SYT1: variants seen among roughly 807,000 people sequenced by gnomAD.
SYT1 encodes synaptotagmin 1, also known as synaptotagmin-1.
SYT1 carries 8 observed loss-of-function variants against 44.8 expected under a neutral mutation model. That is an observed-to-expected ratio of 0.18 (90% CI 0.10 to 0.32). The LOEUF is 0.32. Ranked by LOEUF, SYT1 falls within the 10% of genes least tolerant of loss-of-function variation. SYT1 has a pLI of 1.00. For synonymous variants in SYT1, 154 were observed against 188.8 expected, an observed-to-expected ratio of 0.82 and a Z score of 1.51; for missense variants, 286 against 509.3, an observed-to-expected ratio of 0.56 and a Z score of 4.22.
At chr12:79,076,447 CTATTT>C (rs1394077931) in intron 3 of SYT1, among the ~76,000 whole-genome samples, 1 of 152,048 alleles carries the variant, frequency 6.6e-6, no homozygotes, top group Non-Finnish European at 1.5e-5. Context: ...AAATAATATA[CTATTT>C]TATATGTTGT....
chr12:78,904,307 T>C (rs929337856), intron 1 of SYT1, among the ~76,000 whole-genome samples: 17 of 152,256 alleles, frequency 1.1e-4, no homozygotes, highest in African/African-American at 3.4e-4. Flanking sequence ...ATGTGATTTA[T>C]CCATTGGAAA....
At chr12:79,114,642 G>A (rs1445381889) in intron 3 of SYT1, among the ~76,000 whole-genome samples, 2 of 152,094 alleles carry the variant, frequency 1.3e-5, no homozygotes, top group South Asian at 2.1e-4. Context: ...TCAGGCCAGA[G>A]CACTTCTTTA....
At chr12:79,131,013 T>G (rs559904538) in intron 3 of SYT1, among the ~76,000 whole-genome samples, 1 of 152,334 alleles carries the variant, frequency 6.6e-6, no homozygotes, top group South Asian at 2.1e-4. Flanking sequence ...ACAACCATTT[T>G]TTGAGTTACT....
rs1051788869 is a variant in SYT1, at chr12:79,105,207, T to C, written c.-18+57845T>C. On this transcript the variant is annotated intron_variant, in intron 3 of 10. Coordinates refer to ENST00000261205, the MANE Select transcript of SYT1 (RefSeq NM_005639.3). ...TTAGCGTTGACCACATTATCTATTT[T>C]TTCGAGCTTCAGCCTTCTCATTTTT... is the stretch of plus-strand genomic sequence containing the variant. Among the ~76,000 whole-genome samples, 5 of 152,322 alleles carry C rather than the reference T, an allele frequency of 3.3e-5. No individual in the cohort carries two copies. The South Asian group carries it at 6.2e-4, about 19-fold the overall frequency.
intron 3 of SYT1, among the ~76,000 whole-genome samples, chr12:79,202,224 T>C (rs1445507684): frequency 6.6e-6 from 1 of 152,182 alleles, no homozygotes; most frequent in Non-Finnish European, 1.5e-5. Flanking sequence ...GGCAATGGCA[T>C]TAAGTCCAGG....
intron 1 of SYT1, among the ~76,000 whole-genome samples, chr12:78,893,613 G>T (rs1358114266): frequency 1.3e-5 from 2 of 151,754 alleles, no homozygotes; most frequent in Non-Finnish European, 2.9e-5. Context: ...AATAAAATTT[G>T]TTATCCTATA....
chr12:78,941,824 G>A (rs1385352057), intron 1 of SYT1, among the ~76,000 whole-genome samples: 2 of 152,198 alleles, frequency 1.3e-5, no homozygotes, highest in Non-Finnish European at 2.9e-5. Context: ...TCCCAAGTGA[G>A]GCTATTCATT....
chr12:79,178,959 TAG>T (rs1491386393), intron 3 of SYT1, among the ~76,000 whole-genome samples: 56 of 80,754 alleles, frequency 6.9e-4, no homozygotes, highest in African/African-American at 3.0e-3. Flanking sequence ...GATATAGATA[TAG>T]ATATAGATAT....
chr12:79,416,203 C>T (rs1868729625), intron 9 of SYT1, among the ~76,000 whole-genome samples: 1 of 152,076 alleles, frequency 6.6e-6, no homozygotes, highest in Non-Finnish European at 1.5e-5. Context: ...AGAAACAAGG[C>T]AAGGCAGAGA....
chr12:79,396,268 C>G (rs953488802), intron 9 of SYT1, among the ~76,000 whole-genome samples: 1 of 152,086 alleles, frequency 6.6e-6, no homozygotes, highest in Non-Finnish European at 1.5e-5. Flanking sequence ...CTGCCCTAAA[C>G]TGAAACTATT....
chr12:78,964,095 C>T (rs1256820234), intron 1 of SYT1: 1 of 152,102 alleles, frequency 6.6e-6, no homozygotes, highest in African/African-American at 2.4e-5. Context: ...CATCCAGGCC[C>T]CACCCAACTA....
intron 1 of SYT1, among the ~76,000 whole-genome samples, chr12:78,885,306 A>G (rs948596133): frequency 2.1e-5 from 3 of 144,600 alleles, no homozygotes; most frequent in African/African-American, 7.7e-5. Context: ...AGAAGAAAGG[A>G]GAGAGGGAGG....
At chr12:79,153,578 A>C (rs574287612) in intron 3 of SYT1, among the ~76,000 whole-genome samples, 13 of 152,150 alleles carry the variant, frequency 8.5e-5, no homozygotes, top group Non-Finnish European at 1.5e-4. Context: ...TTTTGTATGT[A>C]AATTATCCTG....
chr12:79,409,103 A>G (rs1488263212), intron 9 of SYT1, among the ~76,000 whole-genome samples: 1 of 152,150 alleles, frequency 6.6e-6, no homozygotes, highest in African/African-American at 2.4e-5. Context: ...GATAATTGCT[A>G]AGCCTTAATT....
chr12:79,417,450 C>T (rs1466196533), intron 9 of SYT1, among the ~76,000 whole-genome samples: 1 of 152,160 alleles, frequency 6.6e-6, no homozygotes, highest in African/African-American at 2.4e-5. Context: ...CACTTCTCTA[C>T]TGATGACAAC....
At chr12:79,333,182 T>A (rs1038030510) in intron 8 of SYT1, among the ~76,000 whole-genome samples, 1 of 152,150 alleles carries the variant, frequency 6.6e-6, no homozygotes, top group Non-Finnish European at 1.5e-5. Flanking sequence ...AAAAATTTAT[T>A]TCTCACAGTT....
At chr12:79,246,597 C>T (rs529712492) in intron 4 of SYT1, among the ~76,000 whole-genome samples, 38 of 152,326 alleles carry the variant, frequency 2.5e-4, no homozygotes, top group African/African-American at 8.4e-4. Flanking sequence ...ACTGTCTCCT[C>T]ACACGGTGGC....
chr12:79,245,562 A>C (rs1938208917), intron 4 of SYT1, among the ~76,000 whole-genome samples: 1 of 151,882 alleles, frequency 6.6e-6, no homozygotes, highest in Non-Finnish European at 1.5e-5. Flanking sequence ...TGTTTATAAC[A>C]AGAAAAATAT....
chr12:79,043,603 A>T (rs893072076), intron 2 of SYT1, among the ~76,000 whole-genome samples: 7 of 151,440 alleles, frequency 4.6e-5, no homozygotes, highest in Admixed American at 4.6e-4. Context: ...GTGTCTTTTA[A>T]TTGGAGCATT....
Sources: gnomAD v4.1 joint callset for allele counts (sites outside exome capture counted in the v4.1 genomes callset) on GRCh38, gnomAD v4.1.1 for gene constraint, MANE v1.5 for transcripts, NCBI Gene and HGNC (gene_info 2026-07-23, HGNC 2026-07-21) for gene names.